COL3A1: variants seen among roughly 807,000 people sequenced by gnomAD.
COL3A1 encodes collagen alpha-1(III) chain.
A neutral mutation model predicts 200.9 loss-of-function variants in COL3A1; 46 were observed. The observed-to-expected ratio is 0.23, with a 90% confidence interval of 0.18 to 0.29. The LOEUF (loss-of-function observed/expected upper bound fraction) is 0.29, where lower values mean the gene tolerates loss of function less well. Among genes scored for constraint, COL3A1 ranks in the 10% least tolerant of loss-of-function variants. The probability of loss-of-function intolerance (pLI) is 1.00; values close to 1 mark genes in which losing one functional copy is unlikely to be tolerated. For synonymous variants in COL3A1, 650 were observed against 628.0 expected, an observed-to-expected ratio of 1.03 and a Z score of -0.52; for missense variants, 1,367 against 1,917.6, an observed-to-expected ratio of 0.71 and a Z score of 5.36.
At chr2:189,003,182 GA>G in intron 36 of COL3A1, 120 bp downstream of exon 36, 1 of 873,314 alleles carries the variant, frequency 1.1e-6, no homozygotes, top group East Asian at 2.6e-5. Flanking sequence ...TGTTCTAATG[GA>G]AAAACATGGA....
intron 49 of COL3A1, 28 bp from the exon 50 acceptor site, chr2:189,010,620 G>C: frequency 6.2e-7 from 1 of 1,613,870 alleles, no homozygotes; most frequent in East Asian, 2.2e-5. Flanking sequence ...TGAAATGTTT[G>C]ATCTGTTTTA....
At position 188,999,371 on chromosome 2, in the gene COL3A1, C is replaced by T. The variant is rs746947080; in HGVS notation, c.2109C>T (p.Pro703=). Reference sequence around the variant, plus strand: ...GAGGTGGAGCTGGTCCCCCTGGTCCCGAAGGAGGAAAGGTAACTCCACAGC... The same window carrying T: ...GAGGTGGAGCTGGTCCCCCTGGTCCTGAAGGAGGAAAGGTAACTCCACAGC... ...GLRGGAGPPG[P]EGGKGAAGPP... Residue 703 remains proline, a synonymous_variant, in exon 30 of 51, where the codon CCC becomes CCT. Coordinates refer to ENST00000304636, the MANE Select transcript of COL3A1 (RefSeq NM_000090.4). 19 of 1,608,302 alleles carry T rather than the reference C, an allele frequency of 1.2e-5. No individual in the cohort carries two copies. In the Admixed American group the frequency reaches 1.2e-4, roughly 10 times the overall value.
intron 1 of COL3A1, among the ~76,000 whole-genome samples, chr2:188,981,794 C>T (rs1687957995): frequency 1.3e-5 from 2 of 151,668 alleles, no homozygotes; most frequent in African/African-American, 4.8e-5. Flanking sequence ...AAACATCAAT[C>T]TAAGAGCTTT....
In COL3A1 at chr2:188,995,798, G is replaced by A; in HGVS notation, c.1608+8G>A. The stretch of plus-strand genomic sequence containing the variant: ...GGAGGTCCAGGAATGAGGGTACAGA[G>A]AAACATTTGTTTGAATGACACTTTA... On this transcript the variant is annotated splice_region_variant and intron_variant, in intron 22 of 50. Coordinates refer to ENST00000304636, the MANE Select transcript of COL3A1 (RefSeq NM_000090.4). 2 of 1,550,850 alleles carry A rather than the reference G, an allele frequency of 1.3e-6. No homozygotes were observed. The highest frequency in any genetic ancestry group is 2.4e-5 in the East Asian group (1 of 41,268).
chr2:189,008,307 T>C lies in COL3A1; in HGVS notation c.3525+165T>C. ...CATTCTCCATCACATTAAAAATGTT[T>C]CTACCACACTATAACAGGAGAAAAA... On this transcript the variant is annotated intron_variant, in intron 47 of 50. Coordinates refer to ENST00000304636, the MANE Select transcript of COL3A1 (RefSeq NM_000090.4). The C allele has an allele frequency of 7.2e-6, 5 of 698,066 alleles. No homozygotes were observed. In the South Asian group the frequency reaches 8.3e-5, roughly 12 times the overall value. The allele number at this position is 698,066 out of a possible 1,614,324, so 43.2% of individuals were successfully genotyped here.
chr2:188,988,207 T>C (rs138240022), intron 6 of COL3A1, 73 bp downstream of exon 6: 1 of 1,331,210 alleles, frequency 7.5e-7, no homozygotes, highest in East Asian at 2.3e-5. Flanking sequence ...TCTGCTATAA[T>C]TCAGCCATTC....
At chr2:189,007,015 T>A (rs781388091) in intron 44 of COL3A1, 25 bp downstream of exon 44, 1 of 1,605,390 alleles carries the variant, frequency 6.2e-7, no homozygotes. Context: ...TTTTTGGTTT[T>A]ATTTTGTTTT....
intron 41 of COL3A1, among the ~76,000 whole-genome samples, chr2:189,005,958 G>T (rs535631604): frequency 4.7e-4 from 71 of 152,052 alleles, no homozygotes; most frequent in South Asian, 1.0e-3. Flanking sequence ...TTATTTATTA[G>T]AGGTCTGTAA....
chr2:188,997,140 T>C, intron 24 of COL3A1, 25 bp from the exon 25 acceptor site: 1 of 1,612,822 alleles, frequency 6.2e-7, no homozygotes, highest in Admixed American at 1.7e-5. Flanking sequence ...TGAGGATTAG[T>C]AAATACCGAC....
In COL3A1 at chr2:189,010,674, T is replaced by C. The variant is rs113753099; in HGVS notation, c.4038T>C (p.Pro1346=). The C allele has an allele frequency of 1.5e-5, 24 of 1,614,076 alleles. No individual in the cohort carries two copies. Among genetic ancestry groups the C allele is most frequent in the South Asian group, 1.3e-4 (12 of 91,094 alleles). The change falls in exon 50 of 51, where the codon CCT becomes CCC. Residue 1346 remains proline (P), a synonymous_variant. Transcript: ENST00000304636. ...TTAGCTACGGCAATCCTGAACTTCC[T>C]GAAGATGTCCTTGATGTGCATCTGG... is the stretch of plus-strand genomic sequence containing the variant. ...FQFSYGNPEL[P]EDVLDVHLAF...
At chr2:188,999,675 T>A in intron 31 of COL3A1, 98 bp downstream of exon 31, 3 of 1,429,954 alleles carry the variant, frequency 2.1e-6, no homozygotes, top group Non-Finnish European at 2.9e-6. Context: ...ATTTTCAAAA[T>A]TAATGTTATC....
intron 15 of COL3A1, 99 bp from the exon 16 acceptor site, chr2:188,993,259 ACTC>A (rs1206584431): frequency 7.3e-6 from 7 of 964,074 alleles, no homozygotes; most frequent in Non-Finnish European, 1.1e-5. Context: ...GAGTCCCACT[ACTC>A]CAACTTTTGG....
chr2:189,003,029 A>G lies in COL3A1; in HGVS notation c.2520A>G (p.Gly840=). The G allele has an allele frequency of 6.4e-7, 1 of 1,551,520 alleles. No individual in the cohort carries two copies. Among genetic ancestry groups the G allele is most frequent in the African/African-American group, 1.4e-5 (1 of 73,084 alleles). The part of the protein sequence containing the change: ...PGEKGEGGPP[G]VAGPPGGSGP... ...AGAAAGGTGAAGGAGGCCCTCCTGG[A>G]GTTGCAGGACCCCCTGGAGGTTCTG... The change falls in exon 36 of 51, where the codon GGA becomes GGG. Residue 840 remains glycine, a synonymous_variant. Transcript: ENST00000304636.
At chr2:189,006,849 T>G in intron 43 of COL3A1, 88 bp from the exon 44 acceptor site, 5 of 1,302,694 alleles carry the variant, frequency 3.8e-6, no homozygotes, top group African/African-American at 1.4e-5. Context: ...TCTATTATAA[T>G]GAAATTATTT....
In COL3A1 at chr2:188,998,723, T is replaced by C. The variant is rs41263765; in HGVS notation, c.2022+5T>C. The C allele has an allele frequency of 7.6e-4, 1,226 of 1,613,238 alleles. 6 individuals are homozygous for C. The African/African-American group carries it at 0.014, about 19-fold the overall frequency. ...CCTGGAGCTCCAGGAGGCAAGGTAGTATTTCAATTTATTCTCTACCTTCTT... is the reference window on the plus strand; with the variant it reads ...CCTGGAGCTCCAGGAGGCAAGGTAGCATTTCAATTTATTCTCTACCTTCTT... On this transcript the variant is annotated splice_donor_5th_base_variant and intron_variant, in intron 29 of 50. Transcript: ENST00000304636.
At chr2:188,985,841 T>G in intron 4 of COL3A1, 63 bp downstream of exon 4, 1 of 1,033,452 alleles carries the variant, frequency 9.7e-7, no homozygotes. Flanking sequence ...CTTCTTTCTT[T>G]ACTCGATATT....
intron 31 of COL3A1, 118 bp from the exon 32 acceptor site, chr2:188,999,724 C>A: frequency 7.3e-7 from 1 of 1,364,856 alleles, no homozygotes; most frequent in Non-Finnish European, 1.0e-6. Flanking sequence ...ATTCCTAAAG[C>A]AACAATGAAT....
In COL3A1 at chr2:189,006,309, A is replaced by G. The variant is rs368699421; in HGVS notation, c.3094-36A>G. On this transcript the variant is annotated intron_variant, in intron 42 of 50. Transcript: ENST00000304636. ...ATTTGTGTTATCAAAATAAGTGATCATCATGTTTATTTTGTACCTATGAAT... is the reference window on the plus strand; with the variant it reads ...ATTTGTGTTATCAAAATAAGTGATCGTCATGTTTATTTTGTACCTATGAAT... 26 of 1,613,602 alleles carry G rather than the reference A, an allele frequency of 1.6e-5. No homozygotes were observed. In the African/African-American group the frequency reaches 2.1e-4, roughly 13 times the overall value.
In COL3A1 at chr2:188,989,994, T is replaced by G. The variant is rs894983190; in HGVS notation, c.691-102T>G. 5 of 1,065,556 alleles carry G rather than the reference T, an allele frequency of 4.7e-6. No homozygotes were observed. In the African/African-American group the frequency reaches 7.8e-5, roughly 17 times the overall value. The allele number at this position is 1,065,556 out of a possible 1,614,324, so 66.0% of individuals were successfully genotyped here. On this transcript the variant is annotated intron_variant, in intron 8 of 50. Transcript: ENST00000304636. ...TATACATTTTGTGGAACCATTTTAATGAGTCCTTTGTGAGAAAAATGCAAA... is the reference window on the plus strand; with the variant it reads ...TATACATTTTGTGGAACCATTTTAAGGAGTCCTTTGTGAGAAAAATGCAAA...
Sources: gnomAD v4.1 joint callset for allele counts (sites outside exome capture counted in the v4.1 genomes callset) on GRCh38, gnomAD v4.1.1 for gene constraint, MANE v1.5 for transcripts, NCBI Gene and HGNC (gene_info 2026-07-23, HGNC 2026-07-21) for gene names.